The following NRG1 variants were observed in gnomAD, a reference collection of about 807,000 sequenced individuals.
NRG1 encodes the protein pro-neuregulin-1, membrane-bound isoform.
In NRG1, 18 loss-of-function variants were observed where a neutral mutation model predicts 63.8. The ratio of observed to expected loss-of-function variants is 0.28; its 90% confidence interval spans 0.19 to 0.42. NRG1 has a LOEUF of 0.42. NRG1 is among the 10% of genes least tolerant of loss of function. The pLI, the probability that NRG1 is intolerant of heterozygous loss-of-function variation, is 1.00. For synonymous variants in NRG1, 302 were observed against 301.3 expected, an observed-to-expected ratio of 1.00 and a Z score of -0.02; for missense variants, 762 against 814.7, an observed-to-expected ratio of 0.94 and a Z score of 0.79.
chr8:31,895,933 A>C (rs1390259841), intron 1 of NRG1, among the ~76,000 whole-genome samples: 1 of 152,200 alleles, frequency 6.6e-6, no homozygotes, highest in African/African-American at 2.4e-5. Flanking sequence ...AAGTTATATT[A>C]ACAAGAGTAT....
chr8:32,192,002 G>T (rs1842538099), intron 1 of NRG1: 1 of 152,194 alleles, frequency 6.6e-6, no homozygotes, highest in African/African-American at 2.4e-5. Flanking sequence ...CCTTTCTGCT[G>T]GCTCTGGTCT....
chr8:32,754,720 G>A (rs138845935), intron 8 of NRG1, among the ~76,000 whole-genome samples: 1 of 152,248 alleles, frequency 6.6e-6, no homozygotes, highest in African/African-American at 2.4e-5. Flanking sequence ...GTGGATAAAG[G>A]CCTGGAGGGA....
intron 1 of NRG1, among the ~76,000 whole-genome samples, chr8:31,858,622 C>G (rs1828171618): frequency 6.6e-6 from 1 of 152,276 alleles, no homozygotes; most frequent in South Asian, 2.1e-4. Flanking sequence ...AAAAAATGTT[C>G]ATGGTCACTG....
At chr8:32,027,472 C>G (rs1191596076) in intron 1 of NRG1, among the ~76,000 whole-genome samples, 4 of 135,752 alleles carry the variant, frequency 2.9e-5, no homozygotes, top group Non-Finnish European at 6.4e-5. Context: ...TTCCTTCCCT[C>G]CCTCCCTCCC....
chr8:32,235,567 G>T (rs886356092), intron 1 of NRG1, among the ~76,000 whole-genome samples: 1 of 152,102 alleles, frequency 6.6e-6, no homozygotes, highest in Non-Finnish European at 1.5e-5. Context: ...GTAAGTCTAG[G>T]ATGAGACCAG....
At chr8:32,737,025 T>A (rs930445716) in intron 6 of NRG1, among the ~76,000 whole-genome samples, 8 of 152,158 alleles carry the variant, frequency 5.3e-5, no homozygotes, top group African/African-American at 1.9e-4. Context: ...TATATTGAAG[T>A]TATTATTAAC....
chr8:32,114,796 T>C (rs2131490150), intron 1 of NRG1, among the ~76,000 whole-genome samples: 1 of 152,288 alleles, frequency 6.6e-6, no homozygotes, highest in Middle Eastern at 3.4e-3. Flanking sequence ...TTGCAAGCTA[T>C]CTCATGATGG....
chr8:32,207,412 G>A (rs1390945408), intron 1 of NRG1, among the ~76,000 whole-genome samples: 1 of 152,024 alleles, frequency 6.6e-6, no homozygotes, highest in African/African-American at 2.4e-5. Flanking sequence ...GAGTGCCATT[G>A]CTTGATATAT....
At chr8:32,328,256 C>G (rs764802768) in intron 1 of NRG1, among the ~76,000 whole-genome samples, 4 of 152,012 alleles carry the variant, frequency 2.6e-5, no homozygotes, top group Admixed American at 2.6e-4. Flanking sequence ...TCACTCACTG[C>G]GAAGCTTTCC....
intron 5 of NRG1, among the ~76,000 whole-genome samples, chr8:32,693,235 T>A (rs1812294123): frequency 6.6e-6 from 1 of 151,642 alleles, no homozygotes; most frequent in Admixed American, 6.6e-5. Context: ...TTTTTTTCTT[T>A]TGAGACAGAG....
intron 1 of NRG1, among the ~76,000 whole-genome samples, chr8:31,861,403 G>GT (rs902700660): frequency 6.4e-4 from 96 of 151,042 alleles, no homozygotes; most frequent in South Asian, 1.7e-3. Context: ...ATCTATTACT[G>GT]TTTTTTTTTA....
At chr8:32,583,697 A>C (rs1187429156) in intron 1 of NRG1, among the ~76,000 whole-genome samples, 7 of 152,178 alleles carry the variant, frequency 4.6e-5, no homozygotes, top group Non-Finnish European at 1.0e-4. Flanking sequence ...TTTCACCATC[A>C]ATGCCCTACC....
At chr8:32,573,758 C>T (rs1387112848) in intron 1 of NRG1, among the ~76,000 whole-genome samples, 4 of 152,046 alleles carry the variant, frequency 2.6e-5, no homozygotes, top group Non-Finnish European at 5.9e-5. Context: ...CCCATTAACT[C>T]GTCATTTAGC....
intron 1 of NRG1, among the ~76,000 whole-genome samples, chr8:31,813,485 A>G (rs1457840561): frequency 9.8e-6 from 1 of 102,540 alleles, no homozygotes; most frequent in Non-Finnish European, 2.4e-5. Context: ...TGACTTTGCT[A>G]CAGGAATTTT....
intron 5 of NRG1, among the ~76,000 whole-genome samples, chr8:32,645,107 T>C (rs11989919): frequency 0.11 from 15,986 of 152,214 alleles, 1,934 homozygotes; most frequent in East Asian, 0.54. Context: ...TACCCTAGTT[T>C]AGCATAAACA....
At chr8:31,882,488 A>G (rs1830428497) in intron 1 of NRG1, among the ~76,000 whole-genome samples, 2 of 152,126 alleles carry the variant, frequency 1.3e-5, no homozygotes, top group Non-Finnish European at 2.9e-5. Flanking sequence ...TCCTGGACCA[A>G]GGAGCAATTT....
rs78374534 is a variant in NRG1 at position 32,356,482 on chromosome 8, C to A, written c.38-239346C>A. Among the ~76,000 whole-genome samples the A allele has an allele frequency of 2.3e-3, 297 of 131,744 alleles. 16 individuals are homozygous for A. In the South Asian group the frequency reaches 0.07, roughly 31 times the overall value. 86.4% of individuals were successfully genotyped at this position (131,744 alleles called of 152,430 possible). A position where few individuals can be genotyped will look rare whatever the true frequency, so the allele number is the denominator to read the frequency against. On this transcript the variant is annotated intron_variant, in intron 1 of 10. Coordinates refer to the NRG1 transcript ENST00000519301. ...AGAGTTTCCTTGTTGGGACCCCCCC[C>A]CCACCCGCCGGGCCCCACCCCGTTG...
intron 1 of NRG1, among the ~76,000 whole-genome samples, chr8:31,817,761 G>A (rs565681650): frequency 7.2e-5 from 11 of 152,120 alleles, no homozygotes; most frequent in African/African-American, 1.7e-4. Context: ...TTTAACTTGC[G>A]TTATATGGAA....
At chr8:31,691,472 G>C (rs1445806549) in intron 1 of NRG1, among the ~76,000 whole-genome samples, 1 of 151,652 alleles carries the variant, frequency 6.6e-6, no homozygotes, top group East Asian at 1.9e-4. Context: ...GCGGGCAACT[G>C]TAGTCCCAGC....
Sources: allele counts gnomAD v4.1 joint callset (sites outside exome capture counted in the v4.1 genomes callset), GRCh38; gene constraint gnomAD v4.1.1; transcripts MANE v1.5; gene names NCBI Gene and HGNC (gene_info 2026-07-23, HGNC 2026-07-21).